LYRM4: variants seen among roughly 807,000 people sequenced by gnomAD.
LYRM4 encodes LYR motif containing 4.
Under a neutral mutation model 11.7 loss-of-function variants are expected in LYRM4, and 9 were observed. The observed-to-expected ratio is 0.77, with a 90% confidence interval of 0.46 to 1.34. LYRM4 has a LOEUF of 1.34. Among genes scored for constraint, LYRM4 ranks in the 40% most tolerant of loss-of-function variants. The probability of loss-of-function intolerance (pLI) is 0.00; values close to 1 mark genes in which losing one functional copy is unlikely to be tolerated. For missense variants in LYRM4, 133 were observed against 112.5 expected (o/e 1.18, Z -0.82); for synonymous variants, 42 against 40.4 (o/e 1.04, Z -0.15).
intron 2 of LYRM4, among the ~76,000 whole-genome samples, chr6:5,119,439 T>C (rs972692378): frequency 5.3e-5 from 8 of 152,070 alleles, no homozygotes; most frequent in African/African-American, 1.7e-4. Flanking sequence ...CTCACTCTTA[T>C]CCACTTTTGT....
the LYRM4 span, among the ~76,000 whole-genome samples, chr6:5,062,394 C>T: frequency 6.6e-6 from 1 of 151,726 alleles, no homozygotes; most frequent in South Asian, 2.1e-4. Flanking sequence ...GAACTCCTGG[C>T]ATCAAGTGAT....
chr6:5,211,717 C>A (rs1561873667), intron 2 of LYRM4, among the ~76,000 whole-genome samples: 1 of 152,208 alleles, frequency 6.6e-6, no homozygotes, highest in Non-Finnish European at 1.5e-5. Context: ...ATGGGCATGA[C>A]TCCAAAACCC....
At chr6:5,212,079 A>T (rs2127718547) in intron 2 of LYRM4, among the ~76,000 whole-genome samples, 1 of 152,364 alleles carries the variant, frequency 6.6e-6, no homozygotes, top group African/African-American at 2.4e-5. Context: ...TGAACTACAC[A>T]GGGAAGGAAG....
intron 1 of LYRM4, among the ~76,000 whole-genome samples, chr6:5,252,498 C>T (rs1764481059): frequency 6.6e-6 from 1 of 152,202 alleles, no homozygotes; most frequent in Admixed American, 6.5e-5. Flanking sequence ...TTTTACTTTT[C>T]ACATGCCTTA....
intron 2 of LYRM4, among the ~76,000 whole-genome samples, chr6:5,156,775 C>T (rs539693296): frequency 3.3e-5 from 5 of 152,222 alleles, no homozygotes; most frequent in South Asian, 4.1e-4. Context: ...GGGGTGGTGA[C>T]GGGGAAAGAT....
At chr6:5,134,978 C>A (rs73717675) in intron 2 of LYRM4, among the ~76,000 whole-genome samples, 3 of 96,484 alleles carry the variant, frequency 3.1e-5, no homozygotes, top group Admixed American at 1.0e-4. Context: ...GGATCGCTCC[C>A]GGGGCTGTGG....
chr6:5,144,078 A>G, intron 2 of LYRM4: 1 of 1,481,724 alleles, frequency 6.7e-7, no homozygotes, highest in Admixed American at 2.1e-5. Context: ...CCAGAAAAAG[A>G]AATGCTTAGA....
At chr6:5,255,653 T>C (rs1437827808) in intron 1 of LYRM4, among the ~76,000 whole-genome samples, 3 of 152,166 alleles carry the variant, frequency 2.0e-5, no homozygotes, top group Non-Finnish European at 2.9e-5. Flanking sequence ...AGCCAACTAC[T>C]TCAATTTTGA....
chr6:5,187,115 A>G, intron 2 of LYRM4: 1 of 720,204 alleles, frequency 1.4e-6, no homozygotes. Flanking sequence ...AAAGAAATGC[A>G]CATGCTAATA....
intron 2 of LYRM4, among the ~76,000 whole-genome samples, chr6:5,130,825 G>C (rs1172554878): frequency 2.6e-5 from 4 of 152,056 alleles, no homozygotes; most frequent in African/African-American, 9.7e-5. Flanking sequence ...CAGTCATTAA[G>C]GGCACAGAAA....
chr6:5,057,501 G>A, the LYRM4 span, among the ~76,000 whole-genome samples: 2 of 152,090 alleles, frequency 1.3e-5, no homozygotes, highest in Non-Finnish European at 2.9e-5. Flanking sequence ...CAGATTACTT[G>A]AGGTCAGGAG....
At chr6:5,169,838 C>T (rs1401065045) in intron 2 of LYRM4, among the ~76,000 whole-genome samples, 1 of 152,080 alleles carries the variant, frequency 6.6e-6, no homozygotes, top group African/African-American at 2.4e-5. Flanking sequence ...GAGGGAGGGA[C>T]CCATGACCAG....
chr6:5,125,981 C>T (rs1763683406), intron 2 of LYRM4, among the ~76,000 whole-genome samples: 1 of 152,198 alleles, frequency 6.6e-6, no homozygotes, highest in East Asian at 1.9e-4. Context: ...GGGACAAGAC[C>T]TTCCTTCTGG....
chr6:5,097,568 C>A, the LYRM4 span, among the ~76,000 whole-genome samples: 1 of 152,178 alleles, frequency 6.6e-6, no homozygotes, highest in East Asian at 1.9e-4. Flanking sequence ...CCAGGCTGGT[C>A]TCTAATTCCT....
the LYRM4 span, chr6:5,066,863 G>A: frequency 3.3e-6 from 3 of 904,030 alleles, no homozygotes; most frequent in South Asian, 1.6e-5. Context: ...GGCCACGGCG[G>A]TTCCTCGCCG....
the LYRM4 span, among the ~76,000 whole-genome samples, chr6:5,095,262 T>C: frequency 1.2e-4 from 18 of 152,316 alleles, no homozygotes; most frequent in Non-Finnish European, 1.5e-5. Context: ...TTATTTGACC[T>C]AAACCTGTTA....
the LYRM4 span, among the ~76,000 whole-genome samples, chr6:5,044,917 G>A: frequency 6.6e-6 from 1 of 152,234 alleles, no homozygotes; most frequent in Non-Finnish European, 1.5e-5. Flanking sequence ...ACGCAGGAAA[G>A]TGAGAGCTTC....
intron 2 of LYRM4, among the ~76,000 whole-genome samples, chr6:5,144,558 A>T (rs1757595075): frequency 7.3e-6 from 1 of 136,624 alleles, no homozygotes; most frequent in Admixed American, 8.3e-5. Context: ...AATGGCGTGA[A>T]CCTGGGAGGT....
chr6:5,035,382 AC>A, the LYRM4 span, among the ~76,000 whole-genome samples: 1 of 150,894 alleles, frequency 6.6e-6, no homozygotes, highest in African/African-American at 2.4e-5. Flanking sequence ...GTCTCTCTGG[AC>A]CCTCCCCTAG....
Sources: gnomAD v4.1 joint callset for allele counts (sites outside exome capture counted in the v4.1 genomes callset) on GRCh38, gnomAD v4.1.1 for gene constraint, MANE v1.5 for transcripts, NCBI Gene and HGNC (gene_info 2026-07-23, HGNC 2026-07-21) for gene names.